Variants in TBL1XR1 observed in about 807,000 individuals in gnomAD.
TBL1XR1 encodes the protein F-box-like/WD repeat-containing protein TBL1XR1.
In TBL1XR1, 5 loss-of-function variants were observed where a neutral mutation model predicts 66.9. That is an observed-to-expected ratio of 0.07 (90% CI 0.04 to 0.16). TBL1XR1 has a LOEUF of 0.16. Among genes scored for constraint, TBL1XR1 ranks in the 10% least tolerant of loss-of-function variants. TBL1XR1 has a pLI of 1.00. For synonymous variants in TBL1XR1, 210 were observed against 206.0 expected (o/e 1.02, Z -0.17); for missense variants, 238 against 623.2 (o/e 0.38, Z 6.58).
chr3:177,025,541 TAATC>T lies in TBL1XR1; in HGVS notation c.1519-21_1519-18del, dbSNP rs777937343. 4.3e-5 allele frequency: 70 copies of T among 1,611,222 alleles called. No individual in the cohort carries two copies. The highest frequency in any genetic ancestry group is 1.7e-4 in the Middle Eastern group (1 of 5,748). ...TACACAAACCTGTAAGAAATTAAAA[TAATC>T]AACCAGTGTATTCAGAATTTTATTG... On this transcript the variant is annotated intron_variant, in intron 15 of 15. Coordinates refer to ENST00000457928, the MANE Select transcript of TBL1XR1 (RefSeq NM_024665.7).
At chr3:177,145,498 T>C (rs991914242) in intron 1 of TBL1XR1, among the ~76,000 whole-genome samples, 1 of 152,058 alleles carries the variant, frequency 6.6e-6, no homozygotes, top group Non-Finnish European at 1.5e-5. Flanking sequence ...CCCTCTAGAA[T>C]AAAGGCAGTA....
intron 2 of TBL1XR1, among the ~76,000 whole-genome samples, chr3:177,080,785 A>G (rs41450848): frequency 0.075 from 11,432 of 152,280 alleles, 523 homozygotes; most frequent in Admixed American, 0.15. Context: ...AATACAATTA[A>G]CTGCCTGGTT....
At chr3:177,179,160 G>A (rs928070417) in intron 1 of TBL1XR1, among the ~76,000 whole-genome samples, 17 of 147,056 alleles carry the variant, frequency 1.2e-4, no homozygotes, top group Admixed American at 1.2e-3. Flanking sequence ...GGGCTGTGAA[G>A]AGATGGGGGA....
chr3:177,092,327 A>C (rs1722939181), intron 2 of TBL1XR1, among the ~76,000 whole-genome samples: 2 of 152,214 alleles, frequency 1.3e-5, no homozygotes, highest in South Asian at 4.1e-4. Context: ...CATTAGATGA[A>C]GCCTTTAGCT....
rs571701039 is a variant in TBL1XR1, at chr3:177,034,761, G to GT, written c.1123-437dup. On this transcript the variant is annotated intron_variant, in intron 12 of 15. Transcript: ENST00000457928. ...AAATAATGAGGACTCACAGAGAACC[G>GT]TAAAAAGTAGCATAGGAAATAAAGC... Among the ~76,000 whole-genome samples the GT allele has an allele frequency of 6.7e-4, 101 of 150,870 alleles. 1 individual carries two copies. Among genetic ancestry groups the GT allele is most frequent in the Non-Finnish European group, 1.3e-3 (85 of 67,806 alleles).
At chr3:177,198,346 C>G (rs982729752), upstream of TBL1XR1, among the ~76,000 whole-genome samples, 1 of 152,088 alleles carries the variant, frequency 6.6e-6, no homozygotes, top group Non-Finnish European at 1.5e-5. Context: ...AAGGTTTGCT[C>G]GATCAGTTCT....
At chr3:177,175,188 T>C (rs541608193) in intron 1 of TBL1XR1, among the ~76,000 whole-genome samples, 17 of 152,334 alleles carry the variant, frequency 1.1e-4, no homozygotes, top group African/African-American at 3.4e-4. Context: ...TAACATTGTA[T>C]TGTACTACTT....
chr3:177,137,933 G>C (rs1299450237), intron 1 of TBL1XR1, among the ~76,000 whole-genome samples: 1 of 152,206 alleles, frequency 6.6e-6, no homozygotes, highest in African/African-American at 2.4e-5. Flanking sequence ...TCATACCACT[G>C]TACTCCAAAC....
At chr3:177,094,131 G>GA (rs1415197625) in intron 2 of TBL1XR1, among the ~76,000 whole-genome samples, 2 of 151,484 alleles carry the variant, frequency 1.3e-5, no homozygotes, top group Non-Finnish European at 2.9e-5. Flanking sequence ...AAAGCAGCAA[G>GA]AAAAAAACAA....
intron 1 of TBL1XR1, among the ~76,000 whole-genome samples, chr3:177,135,379 A>ATATATATATATATATG (rs1301661208): frequency 3.8e-5 from 1 of 26,372 alleles, no homozygotes; most frequent in Non-Finnish European, 6.2e-5. Flanking sequence ...ATATATATAT[A>ATATATATATATATATG]TATGTATGTA....
At chr3:177,193,155 AAAAAT>A (rs1002320976) in intron 1 of TBL1XR1, among the ~76,000 whole-genome samples, 6 of 151,948 alleles carry the variant, frequency 3.9e-5, no homozygotes, top group Non-Finnish European at 8.8e-5. Context: ...TCCGTCTCAA[AAAAAT>A]AAAATAAAAT....
chr3:177,190,349 C>G (rs1429810212), intron 1 of TBL1XR1, among the ~76,000 whole-genome samples: 1 of 151,962 alleles, frequency 6.6e-6, no homozygotes, highest in Non-Finnish European at 1.5e-5. Flanking sequence ...AGTTGATGCT[C>G]TTGTTGACCA....
At chr3:177,094,546 G>T (rs1723222476) in intron 2 of TBL1XR1, among the ~76,000 whole-genome samples, 1 of 152,186 alleles carries the variant, frequency 6.6e-6, no homozygotes, top group South Asian at 2.1e-4. Context: ...AGCACAATTT[G>T]CAACTGCAAA....
chr3:177,112,101 ATATATATTTT>A (rs1229462359), intron 1 of TBL1XR1, among the ~76,000 whole-genome samples: 3 of 48,202 alleles, frequency 6.2e-5, no homozygotes, highest in African/African-American at 1.1e-4. Flanking sequence ...ATATATATAT[ATATATATTTT>A]TTTTTTTTTT....
intron 1 of TBL1XR1, among the ~76,000 whole-genome samples, chr3:177,142,934 G>A (rs558975193): frequency 6.6e-6 from 1 of 152,142 alleles, no homozygotes; most frequent in South Asian, 2.1e-4. Flanking sequence ...ACAGCATTCT[G>A]CCTTGTTTCA....
chr3:177,137,725 T>C (rs1438868854), intron 1 of TBL1XR1, among the ~76,000 whole-genome samples: 1 of 151,904 alleles, frequency 6.6e-6, no homozygotes, highest in Admixed American at 6.6e-5. Flanking sequence ...ATCCCAGCAC[T>C]TTGGGAGGCT....
chr3:177,172,272 A>AAAAG (rs1402621873), intron 1 of TBL1XR1, among the ~76,000 whole-genome samples: 1 of 151,734 alleles, frequency 6.6e-6, no homozygotes, highest in East Asian at 1.9e-4. Context: ...AAAAAAAAAA[A>AAAAG]AAAAAAAATT....
intron 2 of TBL1XR1, among the ~76,000 whole-genome samples, chr3:177,077,212 A>C (rs553979652): frequency 1.3e-5 from 2 of 152,370 alleles, no homozygotes; most frequent in East Asian, 3.9e-4. Flanking sequence ...ATAATCTAAG[A>C]ACTAAAAAGA....
intron 2 of TBL1XR1, among the ~76,000 whole-genome samples, chr3:177,087,216 A>G (rs894621689): frequency 8.2e-6 from 1 of 121,566 alleles, no homozygotes; most frequent in African/African-American, 3.2e-5. Context: ...ATTTTTACTT[A>G]CTTTTTTATT....
Sources: gnomAD v4.1 joint callset for allele counts (sites outside exome capture counted in the v4.1 genomes callset) on GRCh38, gnomAD v4.1.1 for gene constraint, MANE v1.5 for transcripts, NCBI Gene and HGNC (gene_info 2026-07-23, HGNC 2026-07-21) for gene names.